The following ZSCAN4 variants were observed in gnomAD, a reference collection of about 807,000 sequenced individuals.
ZSCAN4 encodes the protein zinc finger and SCAN domain-containing protein 4.
In ZSCAN4, 18 loss-of-function variants were observed where a neutral mutation model predicts 18.3. The ratio of observed to expected loss-of-function variants is 0.98; its 90% CI spans 0.68 to 1.46. The LOEUF (loss-of-function observed/expected upper bound fraction) is 1.46, where lower values mean the gene tolerates loss of function less well. Among genes scored for constraint, ZSCAN4 ranks in the 40% most tolerant of loss-of-function variants. The probability of loss-of-function intolerance (pLI) is 0.00; values close to 1 mark genes in which losing one functional copy is unlikely to be tolerated. For synonymous variants in ZSCAN4, 193 were observed against 180.3 expected (o/e 1.07, Z -0.57); for missense variants, 498 against 511.4 (o/e 0.97, Z 0.25).
At chr19:57,653,544 GA>G in the ZSCAN4 span, among the ~76,000 whole-genome samples, 1 of 151,976 alleles carries the variant, frequency 6.6e-6, no homozygotes, top group Non-Finnish European at 1.5e-5. Context: ...CTGATATTCA[GA>G]AAAAAACTCC....
the ZSCAN4 span, among the ~76,000 whole-genome samples, chr19:57,660,443 G>A: frequency 6.6e-6 from 1 of 152,212 alleles, no homozygotes; most frequent in East Asian, 1.9e-4. Flanking sequence ...ACAGCAGGTT[G>A]TGCAAACTGG....
At chr19:57,674,809 G>T (rs1463207673) in intron 2 of ZSCAN4, among the ~76,000 whole-genome samples, 1 of 152,054 alleles carries the variant, frequency 6.6e-6, no homozygotes, top group African/African-American at 2.4e-5. Flanking sequence ...ACAAAATCAA[G>T]ACTCTATAAA....
chr19:57,669,356 G>A (rs565816332), intron 1 of ZSCAN4, among the ~76,000 whole-genome samples, 153 bp downstream of exon 1: 59 of 151,104 alleles, frequency 3.9e-4, no homozygotes, highest in African/African-American at 1.3e-3. Flanking sequence ...ACCACACCCA[G>A]CCTGTCTTTA....
At chr19:57,655,583 A>C in the ZSCAN4 span, among the ~76,000 whole-genome samples, 5 of 151,994 alleles carry the variant, frequency 3.3e-5, no homozygotes, top group African/African-American at 1.2e-4. Context: ...TTACCATTGC[A>C]CCTTCTCATA....
At chr19:57,663,701 C>T in the ZSCAN4 span, among the ~76,000 whole-genome samples, 3 of 97,954 alleles carry the variant, frequency 3.1e-5, no homozygotes, top group African/African-American at 1.6e-4. Flanking sequence ...GAGTGACAAC[C>T]TGTCTCAAAA....
At chr19:57,656,998 C>G in the ZSCAN4 span, among the ~76,000 whole-genome samples, 10,304 of 151,372 alleles carry the variant, frequency 0.068, 948 homozygotes, top group African/African-American at 0.21. Context: ...GTAATTCCAA[C>G]GCTTTGGGGG....
At chr19:57,658,285 G>C in the ZSCAN4 span, among the ~76,000 whole-genome samples, 1 of 152,176 alleles carries the variant, frequency 6.6e-6, no homozygotes, top group Non-Finnish European at 1.5e-5. Context: ...TAAAACTCAA[G>C]TGGCAAAATG....
At chr19:57,660,012 T>C in the ZSCAN4 span, among the ~76,000 whole-genome samples, 1 of 152,174 alleles carries the variant, frequency 6.6e-6, no homozygotes, top group Non-Finnish European at 1.5e-5. Context: ...GGTGAAGTGA[T>C]AACCACTTCC....
the ZSCAN4 span, among the ~76,000 whole-genome samples, chr19:57,654,604 T>C: frequency 6.6e-6 from 1 of 152,170 alleles, no homozygotes; most frequent in South Asian, 2.1e-4. Context: ...GGAAAGCTGA[T>C]GGGTCCAACT....
At chr19:57,660,564 A>G in the ZSCAN4 span, among the ~76,000 whole-genome samples, 2 of 152,260 alleles carry the variant, frequency 1.3e-5, no homozygotes, top group Non-Finnish European at 2.9e-5. Flanking sequence ...TTACTTACAG[A>G]TAAATATGGG....
chr19:57,660,983 C>G, the ZSCAN4 span, among the ~76,000 whole-genome samples: 1 of 152,168 alleles, frequency 6.6e-6, no homozygotes, highest in African/African-American at 2.4e-5. Flanking sequence ...ATAACCACAG[C>G]AACAGTGTTT....
exon 5 of ZSCAN4, chr19:57,679,062 C>A: frequency 1.2e-6 from 1 of 847,912 alleles, no homozygotes; most frequent in Non-Finnish European, 1.6e-6. Context: ...TGGAATTTGT[C>A]AGTTTTGTTC....
At chr19:57,671,490 C>T (rs994692493) in intron 2 of ZSCAN4, among the ~76,000 whole-genome samples, 2 of 119,286 alleles carry the variant, frequency 1.7e-5, no homozygotes, top group Non-Finnish European at 3.8e-5. Context: ...GCCATGGGTT[C>T]CACAGGAAAA....
At chr19:57,658,833 C>CA in the ZSCAN4 span, among the ~76,000 whole-genome samples, 11,088 of 68,146 alleles carry the variant, frequency 0.16, 1,276 homozygotes, top group African/African-American at 0.33. Flanking sequence ...GACTGTGTCT[C>CA]AAAAAAAAAA....
intron 2 of ZSCAN4, among the ~76,000 whole-genome samples, chr19:57,674,417 T>C (rs1984116516): frequency 6.6e-6 from 1 of 152,236 alleles, no homozygotes; most frequent in Non-Finnish European, 1.5e-5. Context: ...AGTGAGAACA[T>C]GCGGTATTTG....
chr19:57,672,579 C>T lies in ZSCAN4; in HGVS notation c.-106+2012C>T, dbSNP rs573229767. 4.7e-4 allele frequency among the ~76,000 whole-genome samples: 71 copies of T among 151,168 alleles called. No homozygotes were observed. In the Middle Eastern group the frequency reaches 0.014, roughly 29 times the overall value. ...TGATTACCACGATCAAGCTAGTTAA[C>T]ATATTCATCACCTCACATAGTTATC... On this transcript the variant is annotated intron_variant, in intron 2 of 4. Coordinates refer to ENST00000318203, the Ensembl canonical transcript of ZSCAN4.
the ZSCAN4 span, among the ~76,000 whole-genome samples, chr19:57,658,505 A>T: frequency 6.6e-6 from 1 of 152,220 alleles, no homozygotes; most frequent in Admixed American, 6.5e-5. Context: ...AAGGAAAATA[A>T]TAATACACAC....
At chr19:57,661,364 C>T in the ZSCAN4 span, among the ~76,000 whole-genome samples, 1 of 152,144 alleles carries the variant, frequency 6.6e-6, no homozygotes. Flanking sequence ...CTCTGCTTGA[C>T]TTACTGCTGA....
upstream of ZSCAN4, among the ~76,000 whole-genome samples, chr19:57,668,436 T>C (rs543404799): frequency 6.6e-6 from 1 of 152,096 alleles, no homozygotes; most frequent in Non-Finnish European, 1.5e-5. Context: ...TAATTCCTAA[T>C]GTGGGGAAGT....
Sources: gnomAD v4.1 joint callset for allele counts (sites outside exome capture counted in the v4.1 genomes callset) on GRCh38, gnomAD v4.1.1 for gene constraint, MANE v1.5 for transcripts, NCBI Gene and HGNC (gene_info 2026-07-23, HGNC 2026-07-21) for gene names.